The following PPP2R2C variants were observed in gnomAD, a reference collection of about 807,000 sequenced individuals.
The protein encoded by PPP2R2C is protein phosphatase 2, regulatory subunit B, gamma.
A neutral mutation model predicts 45.3 loss-of-function variants in PPP2R2C; 10 were observed. The ratio of observed to expected loss-of-function variants is 0.22; its 90% CI spans 0.14 to 0.37. The LOEUF is 0.37. PPP2R2C is among the 10% of genes least tolerant of loss of function. PPP2R2C has a pLI of 1.00. For synonymous variants in PPP2R2C, 257 were observed against 245.4 expected (o/e 1.05, Z -0.44); for missense variants, 308 against 619.7 (o/e 0.50, Z 5.34).
chr4:6,473,507 C>T (rs62284533), upstream of PPP2R2C, among the ~76,000 whole-genome samples: 16,252 of 152,198 alleles, frequency 0.11, 1,119 homozygotes, highest in Non-Finnish European at 0.16. Flanking sequence ...AACCATCAGC[C>T]CTCCCTAGGA....
chr4:6,557,522 A>C (rs1725443579), intron 1 of PPP2R2C, among the ~76,000 whole-genome samples: 1 of 152,190 alleles, frequency 6.6e-6, no homozygotes, highest in Admixed American at 6.5e-5. Context: ...CTGCGACCTG[A>C]AGGATGAGTT....
intron 6 of PPP2R2C, 47 bp from the exon 7 acceptor site, chr4:6,333,778 A>G: frequency 1.2e-6 from 2 of 1,607,488 alleles, no homozygotes; most frequent in South Asian, 1.1e-5. Context: ...GCTCCCGCCC[A>G]TGGGGTTGGC....
At chr4:6,522,247 CT>C (rs1358019054) in intron 2 of PPP2R2C, among the ~76,000 whole-genome samples, 1 of 152,232 alleles carries the variant, frequency 6.6e-6, no homozygotes, top group Non-Finnish European at 1.5e-5. Context: ...GCCTTTAACC[CT>C]TTTCTGAGAC....
rs116399332 is a variant in PPP2R2C at position 6,381,780 on chromosome 4, G to A, written c.71-686C>T. 6.0e-4 allele frequency: 962 copies of A among 1,613,366 alleles called. 2 individuals are homozygous for A. The highest frequency in any genetic ancestry group is 1.0e-3 in the South Asian group (92 of 90,972). ...CCTTATGGAGTCACCCCCATACCTG[G>A]AGTCTTCAATGCCCAGGGCTGGCCT... On this transcript the variant is annotated intron_variant, in intron 1 of 8. Transcript: ENST00000382599.
At chr4:6,523,925 G>GT (rs1456101119) in intron 2 of PPP2R2C, among the ~76,000 whole-genome samples, 2 of 151,926 alleles carry the variant, frequency 1.3e-5, no homozygotes, top group South Asian at 2.1e-4. Context: ...TTTTGTTTTT[G>GT]TTTTTTTGAG....
intron 5 of PPP2R2C, chr4:6,349,307 C>G (rs1256156808): frequency 2.3e-5 from 23 of 984,772 alleles, no homozygotes; most frequent in Non-Finnish European, 2.8e-5. Context: ...TCTGTCACCT[C>G]CTGGCTGTGT....
At chr4:6,349,038 C>T (rs2109228538) in intron 5 of PPP2R2C, 1 of 985,430 alleles carries the variant, frequency 1.0e-6, no homozygotes, top group African/African-American at 1.7e-5. Context: ...CTGCTCTTTT[C>T]CTATCCCTTC....
chr4:6,436,938 G>C (rs1311689115), intron 1 of PPP2R2C, among the ~76,000 whole-genome samples: 2 of 152,172 alleles, frequency 1.3e-5, no homozygotes, highest in African/African-American at 4.8e-5. Flanking sequence ...TCACAGATGG[G>C]CTTTGACCCA....
At chr4:6,531,521 G>A (rs1431239154) in intron 2 of PPP2R2C, among the ~76,000 whole-genome samples, 1 of 151,852 alleles carries the variant, frequency 6.6e-6, no homozygotes, top group Non-Finnish European at 1.5e-5. Flanking sequence ...GAGCAAAGCG[G>A]GAATGAGCAG....
At chr4:6,524,244 G>A (rs927963813) in intron 2 of PPP2R2C, among the ~76,000 whole-genome samples, 9 of 152,036 alleles carry the variant, frequency 5.9e-5, no homozygotes, top group African/African-American at 1.2e-4. Flanking sequence ...GTTCTAATGC[G>A]AGCTACATCC....
chr4:6,416,968 A>G (rs1000440810), intron 1 of PPP2R2C, among the ~76,000 whole-genome samples: 1 of 152,094 alleles, frequency 6.6e-6, no homozygotes, highest in Non-Finnish European at 1.5e-5. Flanking sequence ...GGGGGAGAAC[A>G]GCCAGGGGCC....
chr4:6,509,935 C>A (rs570045180), intron 2 of PPP2R2C, among the ~76,000 whole-genome samples: 1 of 152,218 alleles, frequency 6.6e-6, no homozygotes, highest in South Asian at 2.1e-4. Flanking sequence ...GCACCCTCCA[C>A]GTGTAACTGA....
intron 5 of PPP2R2C, 140 bp downstream of exon 5, chr4:6,372,383 G>T: frequency 1.2e-6 from 1 of 858,594 alleles, no homozygotes. Context: ...ACGCATACTA[G>T]GAGCCAGAGG....
chr4:6,349,305 C>T (rs923410646), intron 5 of PPP2R2C: 3 of 984,848 alleles, frequency 3.0e-6, no homozygotes, highest in South Asian at 4.7e-5. Flanking sequence ...GCTCTGTCAC[C>T]TCCTGGCTGT....
At chr4:6,361,788 C>G (rs950957316) in intron 5 of PPP2R2C, among the ~76,000 whole-genome samples, 10 of 152,154 alleles carry the variant, frequency 6.6e-5, no homozygotes, top group African/African-American at 9.7e-5. Flanking sequence ...GCAGCTGTAC[C>G]CCCACAGCAC....
At chr4:6,513,751 G>A (rs551192689) in intron 2 of PPP2R2C, among the ~76,000 whole-genome samples, 1 of 152,292 alleles carries the variant, frequency 6.6e-6, no homozygotes, top group East Asian at 1.9e-4. Flanking sequence ...AAAAGGGCGT[G>A]CACTGGGCCA....
At chr4:6,494,610 A>G (rs940112265) in intron 2 of PPP2R2C, among the ~76,000 whole-genome samples, 7 of 152,188 alleles carry the variant, frequency 4.6e-5, no homozygotes, top group African/African-American at 1.7e-4. Flanking sequence ...CTCACAGCCC[A>G]GGTGGAGGCC....
chr4:6,409,801 A>G (rs1340765905), intron 1 of PPP2R2C, among the ~76,000 whole-genome samples: 1 of 152,166 alleles, frequency 6.6e-6, no homozygotes, highest in African/African-American at 2.4e-5. Flanking sequence ...GGCCCCAGGG[A>G]ACATGCCCCG....
rs1732523088 is a variant in PPP2R2C, at chr4:6,332,854, T to C, written c.960+708A>G. The stretch of plus-strand genomic sequence containing the variant: ...CACCCATGTTTGCACGGCCAGATCT[T>C]ACCCATCCTTCAAGGCCCAGCACAA... On this transcript the variant is annotated intron_variant, in intron 7 of 8. Transcript: ENST00000382599. The surrounding 1 kb of genome is among the most constrained non-coding windows in gnomAD (Gnocchi z 4.9). 6.6e-6 allele frequency among the ~76,000 whole-genome samples: 1 copy of C among 152,078 alleles called. No individual in the cohort carries two copies. Among genetic ancestry groups the C allele is most frequent in the Non-Finnish European group, 1.5e-5 (1 of 68,018 alleles).
Sources: gnomAD v4.1 joint callset for allele counts (sites outside exome capture counted in the v4.1 genomes callset) on GRCh38, gnomAD v4.1.1 for gene constraint, Gnocchi (gnomAD v3.1) non-coding constraint, MANE v1.5 for transcripts, NCBI Gene and HGNC (gene_info 2026-07-23, HGNC 2026-07-21) for gene names.